The following TFAP2B variants were observed in gnomAD, a reference collection of about 807,000 sequenced individuals.
TFAP2B encodes the protein transcription factor AP-2 beta, also known as transcription factor AP-2-beta.
A neutral mutation model predicts 44.3 loss-of-function variants in TFAP2B; 9 were observed. That is an observed-to-expected ratio of 0.20 (90% CI 0.12 to 0.35). TFAP2B has a LOEUF of 0.35. Ranked by LOEUF, TFAP2B falls within the 10% of genes least tolerant of loss-of-function variation. TFAP2B has a pLI of 1.00. For missense variants in TFAP2B, 509 were observed against 600.0 expected (o/e 0.85, Z 1.59); for synonymous variants, 270 against 263.8 (o/e 1.02, Z -0.23).
chr6:50,841,974 G>A (rs2113958632), intron 6 of TFAP2B, among the ~76,000 whole-genome samples: 1 of 152,354 alleles, frequency 6.6e-6, no homozygotes, highest in East Asian at 1.9e-4. Context: ...AGGAAAGGAT[G>A]CCCCAGGATT....
chr6:50,822,623 C>T (rs1209391235), intron 1 of TFAP2B, among the ~76,000 whole-genome samples: 1 of 152,130 alleles, frequency 6.6e-6, no homozygotes, highest in Non-Finnish European at 1.5e-5. Context: ...ACTTTAGTTC[C>T]TTCATTTTCA....
chr6:50,836,395 C>T, intron 4 of TFAP2B, 115 bp downstream of exon 4: 2 of 958,142 alleles, frequency 2.1e-6, no homozygotes, highest in Non-Finnish European at 3.2e-6. Context: ...TGCAGTCTGA[C>T]GCAGTTGCCT....
chr6:50,835,990 A>T, intron 3 of TFAP2B, 71 bp from the exon 4 acceptor site: 1 of 1,238,052 alleles, frequency 8.1e-7, no homozygotes, highest in Non-Finnish European at 1.2e-6. Context: ...TCACACAGAG[A>T]CACATTCTAT....
At chr6:50,822,196 C>T (rs1331049038) in intron 1 of TFAP2B, 2 of 1,292,870 alleles carry the variant, frequency 1.5e-6, no homozygotes, top group Non-Finnish European at 2.0e-6. Context: ...GAATTGCATG[C>T]TCCCTCCTCT....
At chr6:50,831,250 T>G (rs1015356537) in intron 3 of TFAP2B, among the ~76,000 whole-genome samples, 1 of 152,208 alleles carries the variant, frequency 6.6e-6, no homozygotes, top group Non-Finnish European at 1.5e-5. Flanking sequence ...TTGTTCCCAG[T>G]AGAGAGAGCA....
At chr6:50,837,936 C>A in intron 4 of TFAP2B, 39 bp from the exon 5 acceptor site, 1 of 1,507,582 alleles carries the variant, frequency 6.6e-7, no homozygotes, top group Non-Finnish European at 9.2e-7. Context: ...TTCAGGAACA[C>A]TCTAAGGTTA....
intron 3 of TFAP2B, among the ~76,000 whole-genome samples, chr6:50,833,176 G>C (rs956683413): frequency 6.6e-6 from 1 of 152,214 alleles, no homozygotes; most frequent in African/African-American, 2.4e-5. Context: ...GGAACAGTGT[G>C]CTCATAATTA....
At chr6:50,825,425 C>T (rs1770476325) in intron 2 of TFAP2B, among the ~76,000 whole-genome samples, 1 of 152,082 alleles carries the variant, frequency 6.6e-6, no homozygotes, top group Non-Finnish European at 1.5e-5. Flanking sequence ...GTTGATGATG[C>T]TAATGCCGGC....
At chr6:50,835,390 A>G (rs1020981947) in intron 3 of TFAP2B, among the ~76,000 whole-genome samples, 1 of 152,184 alleles carries the variant, frequency 6.6e-6, no homozygotes, top group Admixed American at 6.5e-5. Context: ...TCCTTTCTAA[A>G]TGAATCTGTT....
intron 3 of TFAP2B, among the ~76,000 whole-genome samples, chr6:50,831,461 C>T (rs902134046): frequency 5.9e-5 from 9 of 151,928 alleles, no homozygotes; most frequent in African/African-American, 2.2e-4. Context: ...CGGGAGTGGG[C>T]GGGGGGAGTA....
At chr6:50,822,231 C>T (rs1278508750) in intron 1 of TFAP2B, 1 of 1,182,250 alleles carries the variant, frequency 8.5e-7, no homozygotes, top group African/African-American at 1.6e-5. Flanking sequence ...CTCTGCGTCT[C>T]TGTGTGTGTG....
intron 3 of TFAP2B, among the ~76,000 whole-genome samples, chr6:50,828,945 G>T (rs1483976882): frequency 6.6e-6 from 1 of 152,194 alleles, no homozygotes; most frequent in East Asian, 1.9e-4. Flanking sequence ...AGCCATTCTT[G>T]ATACATCTTA....
At chr6:50,830,223 G>C (rs2113940547) in intron 3 of TFAP2B, 2 of 817,986 alleles carry the variant, frequency 2.4e-6, no homozygotes, top group Non-Finnish European at 3.0e-6. Context: ...TCAGGGTTCT[G>C]TATCCTAGCA....
intron 2 of TFAP2B, among the ~76,000 whole-genome samples, chr6:50,827,295 C>A (rs1420976240): frequency 2.0e-5 from 3 of 152,204 alleles, no homozygotes; most frequent in African/African-American, 7.2e-5. Context: ...GAACAAGTTA[C>A]ATGAAATATT....
At position 50,840,197 on chromosome 6, in the gene TFAP2B, G is replaced by A. The variant is rs1190343610; in HGVS notation, c.982G>A (p.Glu328Lys). 3 of 1,614,114 alleles carry A rather than the reference G, an allele frequency of 1.9e-6. No individual in the cohort carries two copies. Among genetic ancestry groups the A allele is most frequent in the Admixed American group, 1.7e-5 (1 of 60,014 alleles). ...AGCTAGGGATTTTGGGTACATTTGCGAAACGGAGTTTCCCGCCAAAGCCGT... is the reference window on the plus strand; with the variant it reads ...AGCTAGGGATTTTGGGTACATTTGCAAAACGGAGTTTCCCGCCAAAGCCGT... Reference protein sequence around the residue: ...HLARDFGYICETEFPAKAVSE... With the variant: ...HLARDFGYICKTEFPAKAVSE... Residue 328 changes from glutamate (E) to lysine (K), a missense_variant, in exon 6 of 7, where the codon GAA becomes AAA. By Grantham distance (56) the Glu-to-Lys change is moderately conservative (BLOSUM62 1). Coordinates refer to ENST00000393655, the MANE Select transcript of TFAP2B (RefSeq NM_003221.4).
intron 2 of TFAP2B, among the ~76,000 whole-genome samples, chr6:50,828,344 C>A (rs1770584030): frequency 6.6e-6 from 1 of 152,156 alleles, no homozygotes; most frequent in Non-Finnish European, 1.5e-5. Context: ...AAAGGTTTAT[C>A]TGTCTAATAT....
At chr6:50,839,350 C>T (rs1762680323) in intron 5 of TFAP2B, among the ~76,000 whole-genome samples, 1 of 152,316 alleles carries the variant, frequency 6.6e-6, no homozygotes, top group African/African-American at 2.4e-5. Flanking sequence ...AAAAGTAAGT[C>T]ATCCTCCTTA....
rs2857513 is a variant in TFAP2B at position 50,843,402 on chromosome 6, A to T, written c.*10A>T. ...GAAACACAGGAAATGAAAAATTTTT[A>T]AAAAAAGAAGGAAAAATGTTTTAAA... On this transcript the variant is annotated 3_prime_UTR_variant, in exon 7 of 7. Transcript: ENST00000393655. 0.12 allele frequency: 189,231 copies of T among 1,610,240 alleles called. 11,571 individuals are homozygous for T. The highest frequency in any genetic ancestry group is 0.2 in the African/African-American group (15,003 of 74,654).
rs767211941 is a variant in TFAP2B, at chr6:50,844,024, C to G, written c.*632C>G. The G allele has an allele frequency of 3.3e-5, 5 of 152,286 alleles. No homozygotes were observed. The highest frequency in any genetic ancestry group is 7.2e-5 in the African/African-American group (3 of 41,430). The allele number at this position is 152,286 out of a possible 1,614,324, so 9.4% of individuals were successfully genotyped here. On this transcript the variant is annotated 3_prime_UTR_variant, in exon 7 of 7. Coordinates refer to ENST00000393655, the MANE Select transcript of TFAP2B (RefSeq NM_003221.4). ...CGCCCAGCCCTGCGATCTTAACTCA[C>G]CGGGCCCGGCTCCCCGGCCGCTTGC... is the stretch of plus-strand genomic sequence containing the variant.
Sources: allele counts gnomAD v4.1 joint callset (sites outside exome capture counted in the v4.1 genomes callset), GRCh38; gene constraint gnomAD v4.1.1; transcripts MANE v1.5; gene names NCBI Gene and HGNC (gene_info 2026-07-23, HGNC 2026-07-21).